The following FUT9 variants were observed in gnomAD, a reference collection of about 807,000 sequenced individuals.
The protein encoded by FUT9 is fucosyltransferase 9.
Under a neutral mutation model 29.7 loss-of-function variants are expected in FUT9, and 15 were observed. The ratio of observed to expected loss-of-function variants is 0.51; its 90% CI spans 0.34 to 0.78. The LOEUF is 0.78. FUT9 is among the 30% of genes least tolerant of loss of function. FUT9 has a pLI of 0.01. For missense variants in FUT9, 319 were observed against 425.4 expected (o/e 0.75, Z 2.20); for synonymous variants, 169 against 153.7 (o/e 1.10, Z -0.74).
chr6:96,055,792 G>A (rs980143816), intron 1 of FUT9, among the ~76,000 whole-genome samples: 1 of 147,656 alleles, frequency 6.8e-6, no homozygotes, highest in Admixed American at 6.8e-5. Context: ...TGATCTGCCT[G>A]CCTTGGCCTC....
chr6:96,113,319 A>G (rs1272400884), intron 1 of FUT9, among the ~76,000 whole-genome samples: 1 of 151,684 alleles, frequency 6.6e-6, no homozygotes, highest in Non-Finnish European at 1.5e-5. Flanking sequence ...GATCATTGCA[A>G]CTTCCATTTC....
intron 2 of FUT9, among the ~76,000 whole-genome samples, chr6:96,147,551 G>C (rs1772594684): frequency 6.6e-6 from 1 of 152,084 alleles, no homozygotes. Context: ...CCAAAGCTTG[G>C]TGTGTTTTCT....
chr6:96,206,064 A>C lies in FUT9; in HGVS notation c.*1829A>C, dbSNP rs2127992302. The C allele has an allele frequency of 6.0e-6, 1 of 167,108 alleles. No individual in the cohort carries two copies. Among genetic ancestry groups the C allele is most frequent in the East Asian group, 1.9e-4 (1 of 5,174 alleles). 10.4% of individuals were successfully genotyped at this position (167,108 alleles called of 1,614,324 possible). ...TTACAATTAAGTGGATAGACATATA[A>C]AAGCTTCCTTTCAATTCAGCCTGAG... On this transcript the variant is annotated 3_prime_UTR_variant, in exon 3 of 3. Coordinates refer to ENST00000302103, the MANE Select transcript of FUT9 (RefSeq NM_006581.4).
rs1773922218 is a variant in FUT9 at position 96,210,729 on chromosome 6, G to A, written c.*6494G>A. On this transcript the variant is annotated 3_prime_UTR_variant, in exon 3 of 3. Coordinates refer to ENST00000302103, the MANE Select transcript of FUT9 (RefSeq NM_006581.4). Reference sequence around the variant, plus strand: ...CTGCTTTTCTATTGTATGTGTTTAAGAGACCACATTCTTGGGTTCCAAAGT... The same window carrying A: ...CTGCTTTTCTATTGTATGTGTTTAAAAGACCACATTCTTGGGTTCCAAAGT... The A allele has an allele frequency of 6.0e-6, 1 of 166,858 alleles. No homozygotes were observed. The highest frequency in any genetic ancestry group is 6.6e-5 in the Admixed American group (1 of 15,226). The allele number at this position is 166,858 out of a possible 1,614,324, so 10.3% of individuals were successfully genotyped here. A position where few individuals can be genotyped will look rare whatever the true frequency, so the allele number is the denominator to read the frequency against.
At chr6:96,111,577 A>T (rs1771807882) in intron 1 of FUT9, among the ~76,000 whole-genome samples, 1 of 137,760 alleles carries the variant, frequency 7.3e-6, no homozygotes, top group South Asian at 2.3e-4. Flanking sequence ...ACACACACAC[A>T]CACACACAAA....
rs188872989 is a variant in FUT9, at chr6:96,199,155, T to C, written c.-8-3993T>C. On this transcript the variant is annotated intron_variant, in intron 2 of 2. Coordinates refer to ENST00000302103, the MANE Select transcript of FUT9 (RefSeq NM_006581.4). Reference sequence around the variant, plus strand: ...TACTGTTACAATTTGCTTTGTGCTATATGTTTATTGCTATCTCTGGTGAGC... The same window carrying C: ...TACTGTTACAATTTGCTTTGTGCTACATGTTTATTGCTATCTCTGGTGAGC... Among the ~76,000 whole-genome samples, 538 of 152,318 alleles carry C rather than the reference T, an allele frequency of 3.5e-3. 2 individuals carry two copies. Among genetic ancestry groups the C allele is most frequent in the Non-Finnish European group, 6.5e-3 (442 of 68,016 alleles).
At chr6:96,119,778 C>T (rs1771985136) in intron 2 of FUT9, among the ~76,000 whole-genome samples, 1 of 152,156 alleles carries the variant, frequency 6.6e-6, no homozygotes, top group South Asian at 2.1e-4. Flanking sequence ...ATAGCATACT[C>T]TTACTAATCA....
rs936091246 is a variant in FUT9, at chr6:96,205,266, G to T, written c.*1031G>T. 1 of 166,786 alleles carries T rather than the reference G, an allele frequency of 6.0e-6. No homozygotes were observed. Among genetic ancestry groups the T allele is most frequent in the African/African-American group, 2.4e-5 (1 of 41,362 alleles). The allele number at this position is 166,786 out of a possible 1,614,324, so 10.3% of individuals were successfully genotyped here. A position where few individuals can be genotyped will look rare whatever the true frequency, so the allele number is the denominator to read the frequency against. On this transcript the variant is annotated 3_prime_UTR_variant, in exon 3 of 3. Coordinates refer to ENST00000302103, the MANE Select transcript of FUT9 (RefSeq NM_006581.4). Reference sequence around the variant, plus strand: ...GAGCCTAAATAAAATTATCATCAAGGTATTAAATATAAGACGTTAAATATA... The same window carrying T: ...GAGCCTAAATAAAATTATCATCAAGTTATTAAATATAAGACGTTAAATATA...
At chr6:96,187,184 G>A (rs1363631030) in intron 2 of FUT9, among the ~76,000 whole-genome samples, 1 of 152,108 alleles carries the variant, frequency 6.6e-6, no homozygotes, top group Admixed American at 6.6e-5. Flanking sequence ...CCTGTAAACT[G>A]GACTAAAGCC....
chr6:96,042,801 C>G (rs1353116391), intron 1 of FUT9, among the ~76,000 whole-genome samples: 1 of 152,090 alleles, frequency 6.6e-6, no homozygotes, highest in South Asian at 2.1e-4. Context: ...TGAGATACTT[C>G]CCATTATTCT....
At chr6:96,088,329 G>T (rs996053338) in intron 1 of FUT9, among the ~76,000 whole-genome samples, 1 of 152,052 alleles carries the variant, frequency 6.6e-6, no homozygotes, top group Non-Finnish European at 1.5e-5. Flanking sequence ...CTGTGGTATA[G>T]TTTCCTAATG....
At chr6:96,176,112 T>A (rs1436878343) in intron 2 of FUT9, among the ~76,000 whole-genome samples, 1 of 152,144 alleles carries the variant, frequency 6.6e-6, no homozygotes, top group Non-Finnish European at 1.5e-5. Flanking sequence ...GCCCCTTCCC[T>A]CTCTACCTTC....
chr6:96,174,470 C>T (rs1262210570), intron 2 of FUT9, among the ~76,000 whole-genome samples: 2 of 151,988 alleles, frequency 1.3e-5, no homozygotes, highest in African/African-American at 2.4e-5. Context: ...AAAACATCCC[C>T]ACTGGATAAG....
At position 96,193,393 on chromosome 6, in the gene FUT9, G is replaced by A. The variant is rs1287674351; in HGVS notation, c.-8-9755G>A. On this transcript the variant is annotated intron_variant, in intron 2 of 2. Coordinates refer to ENST00000302103, the MANE Select transcript of FUT9 (RefSeq NM_006581.4). ...CAACCCCATCAGAAAGTGGGCGAAG[G>A]ATGTGAACAGACACTTCTCAAAAGA... Among the ~76,000 whole-genome samples, 11 of 127,478 alleles carry A rather than the reference G, an allele frequency of 8.6e-5. 1 individual carries two copies. The highest frequency in any genetic ancestry group is 2.8e-4 in the African/African-American group (10 of 36,048). The allele number at this position is 127,478 out of a possible 152,430, so 83.6% of individuals were successfully genotyped here.
At chr6:96,201,646 A>G (rs1773727816) in intron 2 of FUT9, among the ~76,000 whole-genome samples, 2 of 152,146 alleles carry the variant, frequency 1.3e-5, no homozygotes, top group East Asian at 3.9e-4. Context: ...ATTCTGAATA[A>G]CTGAAATTTC....
At chr6:96,112,646 CGTT>C (rs1396611341) in intron 1 of FUT9, among the ~76,000 whole-genome samples, 1 of 152,038 alleles carries the variant, frequency 6.6e-6, no homozygotes, top group South Asian at 2.1e-4. Flanking sequence ...CAGAACATAA[CGTT>C]GTTTGTGTGT....
rs116370405 is a variant in FUT9, at chr6:96,059,850, G to C, written c.-98+43638G>C. Among the ~76,000 whole-genome samples, 820 of 152,246 alleles carry C rather than the reference G, an allele frequency of 5.4e-3. 4 individuals are homozygous for C. Among genetic ancestry groups the C allele is most frequent in the African/African-American group, 0.019 (782 of 41,554 alleles). ...GAGTCATATCCGGTCTCTGAAAACA[G>C]TTCCTAAATTGGAGTTGCCAAAATA... On this transcript the variant is annotated intron_variant, in intron 1 of 2. Transcript: ENST00000302103.
At chr6:96,086,513 C>T (rs4364486) in intron 1 of FUT9, among the ~76,000 whole-genome samples, 116,178 of 152,062 alleles carry the variant, frequency 0.76, 45,185 homozygotes, top group South Asian at 0.93. Flanking sequence ...TTAAGAAATA[C>T]TTCCCCATCT....
intron 2 of FUT9, among the ~76,000 whole-genome samples, chr6:96,200,561 T>C (rs1405808826): frequency 1.3e-5 from 2 of 152,170 alleles, no homozygotes; most frequent in Non-Finnish European, 2.9e-5. Context: ...TGAGCATTTA[T>C]TAAATGGTGG....
Sources: allele counts gnomAD v4.1 joint callset (sites outside exome capture counted in the v4.1 genomes callset), GRCh38; gene constraint gnomAD v4.1.1; transcripts MANE v1.5; gene names NCBI Gene and HGNC (gene_info 2026-07-23, HGNC 2026-07-21).